KLHL13: variants seen among roughly 807,000 people sequenced by gnomAD.
The protein encoded by KLHL13 is kelch-like protein 13.
A neutral mutation model predicts 37.1 loss-of-function variants in KLHL13; 10 were observed. The observed-to-expected ratio is 0.27, with a 90% confidence interval of 0.17 to 0.46. KLHL13 has a LOEUF of 0.46. Ranked by LOEUF, KLHL13 falls within the 20% of genes least tolerant of loss-of-function variation. The pLI, the probability that KLHL13 is intolerant of heterozygous loss-of-function variation, is 1.00. For synonymous variants in KLHL13, 163 were observed against 181.2 expected, an observed-to-expected ratio of 0.90 and a Z score of 0.81; for missense variants, 360 against 509.3, an observed-to-expected ratio of 0.71 and a Z score of 2.82.
chrX:117,914,864 CT>C (rs752778569), intron 4 of KLHL13, among the ~76,000 whole-genome samples: 3 of 112,225 alleles, frequency 2.7e-5, no homozygotes, highest in Non-Finnish European at 5.6e-5. Flanking sequence ...GGCTAGGCCT[CT>C]TCTTCCCAGA....
chrX:117,960,165 G>C (rs2053269810), intron 1 of KLHL13, among the ~76,000 whole-genome samples: 1 of 110,904 alleles, frequency 9.0e-6, no homozygotes, highest in Non-Finnish European at 1.9e-5. Flanking sequence ...CAGGGGGATA[G>C]CTTGAGGCTA....
chrX:117,915,331 T>C (rs1931273491), intron 4 of KLHL13, among the ~76,000 whole-genome samples: 1 of 109,708 alleles, frequency 9.1e-6, no homozygotes, highest in Admixed American at 9.6e-5. Flanking sequence ...GTTTTTCTTT[T>C]GAGAGAAACA....
chrX:118,039,592 C>G (rs778036085), intron 1 of KLHL13, among the ~76,000 whole-genome samples: 14 of 111,742 alleles, frequency 1.3e-4, no homozygotes, highest in Non-Finnish European at 2.1e-4. Context: ...AGGTAGATTC[C>G]TAAGGTTTCC....
At chrX:118,049,211 T>C (rs1376950264) in intron 1 of KLHL13, among the ~76,000 whole-genome samples, 1 of 111,782 alleles carries the variant, frequency 8.9e-6, no homozygotes, top group Non-Finnish European at 1.9e-5. Context: ...TCTCTAGTAC[T>C]CTGTCTTCAA....
chrX:118,031,618 T>C (rs1213038389), intron 1 of KLHL13, among the ~76,000 whole-genome samples: 1 of 99,208 alleles, frequency 1.0e-5, no homozygotes, highest in Non-Finnish European at 2.0e-5. Flanking sequence ...TATATATATA[T>C]TTAGTTGTAT....
At chrX:118,102,409 T>C (rs1400269682) in intron 1 of KLHL13, among the ~76,000 whole-genome samples, 2 of 111,921 alleles carry the variant, frequency 1.8e-5, no homozygotes, top group South Asian at 3.8e-4. Context: ...TATGTGTGAA[T>C]GTGATGTGTG....
At chrX:118,105,962 C>T (rs1380302443) in intron 1 of KLHL13, among the ~76,000 whole-genome samples, 1 of 89,403 alleles carries the variant, frequency 1.1e-5, no homozygotes, top group African/African-American at 4.5e-5. Flanking sequence ...AGTGCAGTAG[C>T]GCGATCTCAG....
At position 117,919,093 on chromosome X, in the gene KLHL13, A is replaced by G. The variant is rs866093004; in HGVS notation, c.570+428T>C. Among the ~76,000 whole-genome samples the G allele has an allele frequency of 2.7e-4, 30 of 110,503 alleles. 1 individual carries two copies. Among genetic ancestry groups the G allele is most frequent in the African/African-American group, 9.6e-4 (29 of 30,364 alleles). On this transcript the variant is annotated intron_variant, in intron 4 of 6. Transcript: ENST00000262820. ...GGCTGGAGTGCAATGGCGTGATCTC[A>G]GTTCGCCACAACCTCCACCTCCCAG...
intron 1 of KLHL13, among the ~76,000 whole-genome samples, chrX:118,102,322 T>C: frequency 8.9e-6 from 1 of 112,030 alleles, no homozygotes; most frequent in Non-Finnish European, 1.9e-5. Context: ...TAATAATTAT[T>C]TTTGCTTGTC....
chrX:118,001,496 T>G (rs1272105120), intron 1 of KLHL13, among the ~76,000 whole-genome samples: 2 of 111,761 alleles, frequency 1.8e-5, no homozygotes, highest in Non-Finnish European at 3.8e-5. Context: ...TTTAAAGAAC[T>G]AATGCAATTG....
At chrX:117,935,960 G>T (rs1194215250) in intron 2 of KLHL13, among the ~76,000 whole-genome samples, 1 of 111,602 alleles carries the variant, frequency 9.0e-6, no homozygotes, top group East Asian at 2.8e-4. Context: ...AAAAGCCATT[G>T]ATTTGCACAA....
At chrX:117,991,137 T>TAAAAAAAAAAAAAAAAA (rs750755409) in intron 1 of KLHL13, among the ~76,000 whole-genome samples, 9 of 83,911 alleles carry the variant, frequency 1.1e-4, no homozygotes, top group African/African-American at 4.5e-4. Context: ...CATTAAAAAG[T>TAAAAAAAAAAAAAAAAA]AAAAAAAAAA....
chrX:118,019,010 A>G (rs1422946273), intron 1 of KLHL13, among the ~76,000 whole-genome samples: 1 of 111,348 alleles, frequency 9.0e-6, no homozygotes, highest in African/African-American at 3.3e-5. Context: ...TACTATAGTT[A>G]AACAAATTAA....
chrX:118,051,964 T>A (rs1365522228), intron 1 of KLHL13, among the ~76,000 whole-genome samples: 1 of 110,950 alleles, frequency 9.0e-6, no homozygotes, highest in Non-Finnish European at 1.9e-5. Flanking sequence ...TAGTAAAAAA[T>A]ATATATAGTA....
chrX:118,093,237 A>G (rs1173829740), intron 1 of KLHL13, among the ~76,000 whole-genome samples: 3 of 112,183 alleles, frequency 2.7e-5, no homozygotes, highest in African/African-American at 3.2e-5. Flanking sequence ...TGAAACTAAA[A>G]GCCAAAGTTC....
intron 1 of KLHL13, among the ~76,000 whole-genome samples, chrX:117,953,221 A>G (rs1381609646): frequency 1.2e-4 from 13 of 111,445 alleles, no homozygotes; most frequent in Non-Finnish European, 2.1e-4. Flanking sequence ...AATACTATGC[A>G]GCCATAAAAA....
chrX:118,068,268 G>A (rs1212429248), intron 1 of KLHL13, among the ~76,000 whole-genome samples: 1 of 111,791 alleles, frequency 8.9e-6, no homozygotes, highest in Non-Finnish European at 1.9e-5. Flanking sequence ...AATGGGTAGA[G>A]AGGAAGATGG....
intron 5 of KLHL13, among the ~76,000 whole-genome samples, chrX:117,906,160 T>C (rs1191641632): frequency 9.0e-6 from 1 of 111,474 alleles, no homozygotes; most frequent in Non-Finnish European, 1.9e-5. Flanking sequence ...AATGTGTGCG[T>C]TGAAGGAGGA....
intron 1 of KLHL13, among the ~76,000 whole-genome samples, chrX:118,010,876 C>G (rs1170110841): frequency 1.8e-5 from 2 of 109,279 alleles, no homozygotes; most frequent in Non-Finnish European, 3.8e-5. Context: ...AGTTGAAGAC[C>G]AGCCTGGGCA....
Sources: allele counts gnomAD v4.1 joint callset (sites outside exome capture counted in the v4.1 genomes callset), GRCh38; gene constraint gnomAD v4.1.1; transcripts MANE v1.5; gene names NCBI Gene and HGNC (gene_info 2026-07-23, HGNC 2026-07-21).